The following AKAP10 variants were observed in gnomAD, a reference collection of about 807,000 sequenced individuals.
AKAP10 encodes the protein A-kinase anchor protein 10, mitochondrial.
In AKAP10, 24 loss-of-function variants were observed where a neutral mutation model predicts 80.8. The ratio of observed to expected loss-of-function variants is 0.30; its 90% CI spans 0.22 to 0.42. The LOEUF is 0.42. AKAP10 is among the 10% of genes least tolerant of loss of function. The pLI is 1.00. For missense variants in AKAP10, 661 were observed against 794.9 expected (o/e 0.83, Z 2.03); for synonymous variants, 291 against 277.7 (o/e 1.05, Z -0.48).
At position 19,977,597 on chromosome 17, in the gene AKAP10, C is replaced by T. The variant is rs1232221298; in HGVS notation, c.83G>A (p.Arg28Gln). ...DPGPAMSFFRRKVKGKEQEKT... is the reference protein window; with the variant it reads ...DPGPAMSFFRQKVKGKEQEKT... ...GCCGGCGCCCCCTCAGCTACCTTTC[C>T]GCCGGAAGAAGGACATGGCGGGGCC... Residue 28 changes from arginine to glutamine, a missense_variant, in exon 1 of 15, where the codon CGG becomes CAG. Transcript: ENST00000225737. 8.1e-7 allele frequency: 1 copy of T among 1,234,406 alleles called. No individual in the cohort carries two copies. The highest frequency in any genetic ancestry group is 1.0e-6 in the Non-Finnish European group (1 of 987,920). 76.5% of individuals were successfully genotyped at this position (1,234,406 alleles called of 1,614,324 possible).
chr17:19,935,215 G>T (rs570291509), intron 9 of AKAP10, among the ~76,000 whole-genome samples: 1 of 152,120 alleles, frequency 6.6e-6, no homozygotes, highest in Admixed American at 6.5e-5. Context: ...CTATTGCAAT[G>T]GTAAGAATTT....
At chr17:19,927,427 A>G (rs932364392) in intron 10 of AKAP10, among the ~76,000 whole-genome samples, 1 of 152,214 alleles carries the variant, frequency 6.6e-6, no homozygotes, top group African/African-American at 2.4e-5. Flanking sequence ...TGGAAATAAT[A>G]TAATTTGATA....
At chr17:19,909,052 G>C in intron 14 of AKAP10, 129 bp downstream of exon 14, 1 of 682,712 alleles carries the variant, frequency 1.5e-6, no homozygotes, top group Non-Finnish European at 2.3e-6. Flanking sequence ...TTTTCTAGTT[G>C]CTTATGATAA....
chr17:19,957,029 C>G (rs1428704612), intron 4 of AKAP10, among the ~76,000 whole-genome samples: 1 of 152,000 alleles, frequency 6.6e-6, no homozygotes, highest in East Asian at 1.9e-4. Context: ...CTGAAGAAAT[C>G]ACTTAGCCCT....
At chr17:19,926,845 G>A (rs1180007296) in intron 10 of AKAP10, among the ~76,000 whole-genome samples, 1 of 152,188 alleles carries the variant, frequency 6.6e-6, no homozygotes, top group Non-Finnish European at 1.5e-5. Flanking sequence ...TTTTGGCCGG[G>A]TGCAGTGGCT....
intron 12 of AKAP10, among the ~76,000 whole-genome samples, chr17:19,917,155 C>A (rs1302157570): frequency 6.6e-6 from 1 of 151,534 alleles, no homozygotes; most frequent in Admixed American, 6.6e-5. Context: ...GTCCCAGCTA[C>A]TTGGGAGGCT....
chr17:19,955,234 A>T (rs909290909), intron 4 of AKAP10, among the ~76,000 whole-genome samples: 1 of 151,928 alleles, frequency 6.6e-6, no homozygotes, highest in Non-Finnish European at 1.5e-5. Flanking sequence ...AAAAAAAAAT[A>T]AGAAAAAAAA....
At position 19,958,966 on chromosome 17, in the gene AKAP10, A is replaced by G. The variant is rs186412258; in HGVS notation, c.320-395T>C. 3.3e-3 allele frequency among the ~76,000 whole-genome samples: 485 copies of G among 145,472 alleles called. 2 individuals carry two copies. Among genetic ancestry groups the G allele is most frequent in the Non-Finnish European group, 4.8e-3 (323 of 67,160 alleles). On this transcript the variant is annotated intron_variant, in intron 3 of 14. Transcript: ENST00000225737. ...CTCCCGGGTTCAAGCGATTCTCTTG[A>G]CTCAGCCTCCTAAGTAGCTGGGATT... is the stretch of plus-strand genomic sequence containing the variant.
At position 19,936,365 on chromosome 17, in the gene AKAP10, G is replaced by A. The variant is rs2152413756; in HGVS notation, c.1388C>T (p.Ser463Phe). 1 of 1,613,468 alleles carries A rather than the reference G, an allele frequency of 6.2e-7. No individual in the cohort carries two copies. Among genetic ancestry groups the A allele is most frequent in the East Asian group, 2.2e-5 (1 of 44,870 alleles). Residue 463 changes from serine (S) to phenylalanine (F), a missense_variant, in exon 9 of 15, where the codon TCC (serine) becomes TTC (phenylalanine). Physicochemically the swap from Ser to Phe is radical, Grantham distance 155. Coordinates refer to ENST00000225737, the MANE Select transcript of AKAP10 (RefSeq NM_007202.4). ...FDDVVRLEIESNICREGGPLP... is the reference protein window; with the variant it reads ...FDDVVRLEIEFNICREGGPLP... ...TGGCCCACCTTCCCTGCAGATATTG[G>A]ATTCAATTTCTAATCGTACAACATC...
chr17:19,916,396 T>C (rs1378282983), intron 12 of AKAP10, among the ~76,000 whole-genome samples: 1 of 152,144 alleles, frequency 6.6e-6, no homozygotes, highest in Non-Finnish European at 1.5e-5. Flanking sequence ...ACTCCACTGT[T>C]CTATAAAATG....
intron 14 of AKAP10, 130 bp downstream of exon 14, chr17:19,909,051 T>C (rs1051701555): frequency 1.5e-6 from 1 of 682,830 alleles, no homozygotes. Flanking sequence ...ATTTTCTAGT[T>C]GCTTATGATA....
In AKAP10 at chr17:19,958,453, C is replaced by T. The variant is rs747194952; in HGVS notation, c.438G>A (p.Arg146=). The T allele has an allele frequency of 3.1e-6, 5 of 1,613,966 alleles. No homozygotes were observed. The highest frequency in any genetic ancestry group is 4.2e-6 in the Non-Finnish European group (5 of 1,180,052). Residue 146 remains arginine (R), a synonymous_variant, in exon 4 of 15, where the codon CGG becomes CGA. Coordinates refer to ENST00000225737, the MANE Select transcript of AKAP10 (RefSeq NM_007202.4). ...AAAATTTCACCAAATGCTCCATTCG[C>T]CGAAGTTCCATGAATTGAATGAAGT... ...LPYFIQFMEL[R]RMEHLVKFWL...
chr17:19,931,388 C>A (rs2042930761), intron 10 of AKAP10, among the ~76,000 whole-genome samples: 1 of 148,940 alleles, frequency 6.7e-6, no homozygotes, highest in African/African-American at 2.5e-5. Context: ...AATTTTATTT[C>A]TCTCTTTTTT....
chr17:19,947,375 T>C (rs763274266), intron 5 of AKAP10, 32 bp downstream of exon 5: 1 of 1,510,776 alleles, frequency 6.6e-7, no homozygotes, highest in East Asian at 2.3e-5. Flanking sequence ...TTTTGTCATT[T>C]TTTTTTTGCC....
Position 19,950,732 on chromosome 17 carries a change from C to T in AKAP10, c.878-3227G>A, listed in dbSNP as rs532552427. Reference sequence around the variant, plus strand: ...TTGCAGCCTCTGCCCGGCCGCCACCCCGTCCGGGAAGTGAGGAGCGTCTCT... The same window carrying T: ...TTGCAGCCTCTGCCCGGCCGCCACCTCGTCCGGGAAGTGAGGAGCGTCTCT... On this transcript the variant is annotated intron_variant, in intron 4 of 14. Coordinates refer to ENST00000225737, the MANE Select transcript of AKAP10 (RefSeq NM_007202.4). Among the ~76,000 whole-genome samples, 3 of 152,328 alleles carry T rather than the reference C, an allele frequency of 2.0e-5. No individual in the cohort carries two copies. The East Asian group carries it at 5.8e-4, about 29-fold the overall frequency.
chr17:19,945,777 G>A lies in AKAP10; in HGVS notation c.976+1630C>T, dbSNP rs115173703. Among the ~76,000 whole-genome samples, 632 of 152,162 alleles carry A rather than the reference G, an allele frequency of 4.2e-3. 4 individuals are homozygous for A. Among genetic ancestry groups the A allele is most frequent in the African/African-American group, 0.015 (609 of 41,512 alleles). On this transcript the variant is annotated intron_variant, in intron 5 of 14. Transcript: ENST00000225737. ...CTAAGGATTAAAGAAGCCCAACATC[G>A]GGACAGATCTGCTAAAAGTGCAAGA...
intron 2 of AKAP10, among the ~76,000 whole-genome samples, chr17:19,966,254 A>G (rs559756713): frequency 6.6e-6 from 1 of 152,246 alleles, no homozygotes. Context: ...TATTTAATCA[A>G]TAATAAACTT....
At chr17:19,925,374 T>C (rs1461575813) in intron 10 of AKAP10, among the ~76,000 whole-genome samples, 1 of 152,070 alleles carries the variant, frequency 6.6e-6, no homozygotes, top group Non-Finnish European at 1.5e-5. Flanking sequence ...TGAGGCCATA[T>C]GACAAAAAGA....
At chr17:19,964,974 T>C (rs2043399072) in intron 2 of AKAP10, among the ~76,000 whole-genome samples, 1 of 152,232 alleles carries the variant, frequency 6.6e-6, no homozygotes, top group Non-Finnish European at 1.5e-5. Context: ...CCACATGGAC[T>C]GTTTGCAACA....
Sources: allele counts gnomAD v4.1 joint callset (sites outside exome capture counted in the v4.1 genomes callset), GRCh38; gene constraint gnomAD v4.1.1; transcripts MANE v1.5; gene names NCBI Gene and HGNC (gene_info 2026-07-23, HGNC 2026-07-21).